Variants in CHKA observed in about 807,000 individuals in gnomAD.
The protein encoded by CHKA is choline kinase alpha, also known as CHETK-alpha.
Under a neutral mutation model 60.1 loss-of-function variants are expected in CHKA, and 34 were observed. The ratio of observed to expected loss-of-function variants is 0.57; its 90% CI spans 0.43 to 0.75. The LOEUF is 0.75. Among genes scored for constraint, CHKA ranks in the 30% least tolerant of loss-of-function variants. The pLI is 0.00. For missense variants in CHKA, 563 were observed against 561.3 expected, an observed-to-expected ratio of 1.00 and a Z score of -0.03; for synonymous variants, 217 against 223.1, an observed-to-expected ratio of 0.97 and a Z score of 0.24.
In CHKA at chr11:68,074,838, A is replaced by G. The variant is rs747722919; in HGVS notation, c.517-8T>C. On this transcript the variant is annotated splice_region_variant and splice_polypyrimidine_tract_variant and intron_variant, in intron 3 of 11. Transcript: ENST00000265689. ...AACCATGGCCTCAGCCCCCTAAAACAGATGGCAACAAATCAGGTGTTTACT... is the reference window on the plus strand; with the variant it reads ...AACCATGGCCTCAGCCCCCTAAAACGGATGGCAACAAATCAGGTGTTTACT... 15 of 1,613,626 alleles carry G rather than the reference A, an allele frequency of 9.3e-6. No individual in the cohort carries two copies. Among genetic ancestry groups the G allele is most frequent in the Non-Finnish European group, 1.2e-5 (14 of 1,179,700 alleles).
chr11:68,057,974 T>A (rs1856088860), intron 11 of CHKA, among the ~76,000 whole-genome samples: 1 of 152,130 alleles, frequency 6.6e-6, no homozygotes, highest in East Asian at 1.9e-4. Flanking sequence ...ACAGCTCCCC[T>A]GACTTCCCAG....
intron 3 of CHKA, among the ~76,000 whole-genome samples, chr11:68,077,694 A>G (rs542515256): frequency 7.2e-4 from 109 of 152,198 alleles, no homozygotes; most frequent in African/African-American, 2.6e-3. Context: ...AGGGATGGGG[A>G]GAGAGAGAGA....
At chr11:68,072,885 C>T (rs1856667353) in intron 4 of CHKA, among the ~76,000 whole-genome samples, 1 of 152,090 alleles carries the variant, frequency 6.6e-6, no homozygotes, top group African/African-American at 2.4e-5. Flanking sequence ...CTCCCAGCTA[C>T]CTGAAAGGCT....
chr11:68,120,224 C>G (rs1202211043), intron 1 of CHKA, among the ~76,000 whole-genome samples: 1 of 136,186 alleles, frequency 7.3e-6, no homozygotes, highest in Non-Finnish European at 1.6e-5. Flanking sequence ...AGCGAAACTC[C>G]GTCTCAAAAA....
intron 1 of CHKA, among the ~76,000 whole-genome samples, chr11:68,111,546 T>C (rs1309072224): frequency 6.6e-6 from 1 of 151,712 alleles, no homozygotes; most frequent in Admixed American, 6.6e-5. Flanking sequence ...GCCATTGTAC[T>C]CCAGCCAAGA....
intron 3 of CHKA, 85 bp from the exon 4 acceptor site, chr11:68,074,915 T>A: frequency 8.5e-7 from 1 of 1,176,306 alleles, no homozygotes; most frequent in East Asian, 2.4e-5. Context: ...GAGTGTTTCA[T>A]CTGATCCTCA....
chr11:68,095,220 T>C (rs1305267967), intron 2 of CHKA, among the ~76,000 whole-genome samples: 13 of 147,818 alleles, frequency 8.8e-5, no homozygotes, highest in South Asian at 2.2e-4. Flanking sequence ...CTGGCTAACA[T>C]GGTGAAACCT....
chr11:68,095,475 C>T (rs1200800212), intron 2 of CHKA, among the ~76,000 whole-genome samples: 10 of 141,170 alleles, frequency 7.1e-5, no homozygotes, highest in South Asian at 2.2e-4. Context: ...CTTTGGAGGC[C>T]AAGGTGGACG....
At chr11:68,080,732 T>C (rs1287288841) in intron 3 of CHKA, among the ~76,000 whole-genome samples, 1 of 152,266 alleles carries the variant, frequency 6.6e-6, no homozygotes, top group Non-Finnish European at 1.5e-5. Context: ...CCACGTATGT[T>C]GGGCATGTGT....
At chr11:68,070,558 C>T (rs552109068) in intron 5 of CHKA, among the ~76,000 whole-genome samples, 166 bp downstream of exon 5, 10 of 152,148 alleles carry the variant, frequency 6.6e-5, no homozygotes, top group Non-Finnish European at 1.3e-4. Context: ...TTGACTTTTA[C>T]ACACAAGAAA....
In CHKA at chr11:68,120,982, G is replaced by A. The variant is rs534821347; in HGVS notation, c.196C>T (p.Pro66Ser). The A allele has an allele frequency of 9.7e-5, 108 of 1,118,922 alleles. No individual in the cohort carries two copies. The South Asian group carries it at 3.3e-3, about 34-fold the overall frequency. The allele number at this position is 1,118,922 out of a possible 1,614,324, so 69.3% of individuals were successfully genotyped here. A position where few individuals can be genotyped will look rare whatever the true frequency, so the allele number is the denominator to read the frequency against. ...GGCGGGGGCTGGGGCAGCGGCAGCG[G>A]CAGCGGCAGCGGCGGCGGAGGGGGC... Reference protein sequence around the residue: ...ALPPPPPLPLPLPLPQPPPPQ... With the variant: ...ALPPPPPLPLSLPLPQPPPPQ... Residue 66 changes from proline to serine, a missense_variant, in exon 1 of 12, where the codon CCG (proline) becomes TCG (serine). Transcript: ENST00000265689.
At chr11:68,100,792 A>G (rs1253546384) in intron 1 of CHKA, among the ~76,000 whole-genome samples, 1 of 151,774 alleles carries the variant, frequency 6.6e-6, no homozygotes, top group African/African-American at 2.4e-5. Context: ...AATGACAGGA[A>G]GGAAACAGAA....
intron 1 of CHKA, among the ~76,000 whole-genome samples, chr11:68,104,079 T>C (rs566079907): frequency 8.5e-5 from 13 of 152,206 alleles, no homozygotes; most frequent in African/African-American, 2.9e-4. Flanking sequence ...GATTATAGAA[T>C]AAATGTAAGT....
At chr11:68,059,098 T>TTA (rs1323507277) in intron 11 of CHKA, among the ~76,000 whole-genome samples, 1 of 152,194 alleles carries the variant, frequency 6.6e-6, no homozygotes, top group East Asian at 1.9e-4. Flanking sequence ...TTTCTCCGTG[T>TTA]TAGTCAGGCT....
chr11:68,085,369 T>C (rs1048156796), intron 2 of CHKA, among the ~76,000 whole-genome samples: 1 of 151,850 alleles, frequency 6.6e-6, no homozygotes, highest in African/African-American at 2.4e-5. Flanking sequence ...ACCACAGGCA[T>C]GTGCCACCAT....
chr11:68,083,099 A>G (rs1219045671), intron 2 of CHKA, among the ~76,000 whole-genome samples: 1 of 152,120 alleles, frequency 6.6e-6, no homozygotes, highest in African/African-American at 2.4e-5. Flanking sequence ...ATGAATAGGG[A>G]CTGCGTCTTT....
At chr11:68,066,652 A>G (rs974870001) in intron 7 of CHKA, 136 bp from the exon 8 acceptor site, 1 of 714,532 alleles carries the variant, frequency 1.4e-6, no homozygotes, top group Non-Finnish European at 2.4e-6. Flanking sequence ...GGACATCACC[A>G]GGGCCTAGAC....
chr11:68,075,981 G>A (rs1250087465), intron 3 of CHKA, among the ~76,000 whole-genome samples: 1 of 152,132 alleles, frequency 6.6e-6, no homozygotes, highest in East Asian at 1.9e-4. Context: ...GAGAAACCAA[G>A]AGGACAAACT....
chr11:68,081,905 T>TG (rs1407413289), intron 2 of CHKA: 1 of 154,268 alleles, frequency 6.5e-6, no homozygotes, highest in Non-Finnish European at 1.4e-5. Context: ...GCACAGAACT[T>TG]GGACAGAGAA....
Sources: gnomAD v4.1 joint callset for allele counts (sites outside exome capture counted in the v4.1 genomes callset) on GRCh38, gnomAD v4.1.1 for gene constraint, MANE v1.5 for transcripts, NCBI Gene and HGNC (gene_info 2026-07-23, HGNC 2026-07-21) for gene names.